Variants in BAG4 observed in about 807,000 individuals in gnomAD.
BAG4 encodes BAG cochaperone 4.
Under a neutral mutation model 52.1 loss-of-function variants are expected in BAG4, and 28 were observed. The ratio of observed to expected loss-of-function variants is 0.54; its 90% confidence interval spans 0.40 to 0.74. The LOEUF (loss-of-function observed/expected upper bound fraction) is 0.74. Among genes scored for constraint, BAG4 ranks in the 30% least tolerant of loss-of-function variants. The pLI is 0.00. For synonymous variants in BAG4, 208 were observed against 217.0 expected (o/e 0.96, Z 0.37); for missense variants, 525 against 572.0 (o/e 0.92, Z 0.84).
In BAG4 at chr8:38,211,555, G is replaced by A. The variant is rs1469120567; in HGVS notation, c.*1062G>A. On this transcript the variant is annotated 3_prime_UTR_variant, in exon 5 of 5. Coordinates refer to ENST00000287322, the MANE Select transcript of BAG4 (RefSeq NM_004874.4). ...TCCATCTAAAATACTAGTTTCACCT[G>A]TGAGCAGATTTCAGCTCAGTTTATA... 2 of 151,960 alleles carry A rather than the reference G, an allele frequency of 1.3e-5. No homozygotes were observed. Among genetic ancestry groups the A allele is most frequent in the East Asian group, 3.9e-4 (2 of 5,192 alleles). The allele number at this position is 151,960 out of a possible 1,614,324, so 9.4% of individuals were successfully genotyped here.
chr8:38,207,651 A>G lies in BAG4; in HGVS notation c.518A>G (p.Tyr173Cys), dbSNP rs780697101. 3.7e-6 allele frequency: 6 copies of G among 1,613,990 alleles called. No individual in the cohort carries two copies. Among genetic ancestry groups the G allele is most frequent in the Non-Finnish European group, 5.1e-6 (6 of 1,179,980 alleles). The stretch of plus-strand genomic sequence containing the variant: ...TACTCCACAGAAGTTCCAAGTACTT[A>G]CCGTTCATCTGGCAACAGCCCAACT... ...TSYSTEVPST[Y>C]RSSGNSPTPV... Residue 173 changes from tyrosine to cysteine, a missense_variant, in exon 3 of 5, where the codon TAC becomes TGC. This residue lies in a region of BAG4 where 287 missense variants were observed against 266.1 expected (regional missense o/e 1.08). Transcript: ENST00000287322.
rs1803823316 is a variant in BAG4 at position 38,209,022 on chromosome 8, A to G, written c.643A>G (p.Met215Val). 2 of 1,613,326 alleles carry G rather than the reference A, an allele frequency of 1.2e-6. No individual in the cohort carries two copies. Among genetic ancestry groups the G allele is most frequent in the Admixed American group, 1.7e-5 (1 of 59,970 alleles). ...PGYPPSQNPG[M>V]TLPHYPYGDG... ...CTTCTTCTCAATCTAGAACCCTGGAATGACCCTGCCCCATTATCCTTATGG... is the reference window on the plus strand; with the variant it reads ...CTTCTTCTCAATCTAGAACCCTGGAGTGACCCTGCCCCATTATCCTTATGG... Residue 215 changes from methionine (M) to valine (V), a missense_variant, in exon 4 of 5, where the codon ATG becomes GTG. By Grantham distance (21) the Met-to-Val change is conservative (BLOSUM62 1). Around this residue, in one of 2 missense-constraint regions of BAG4, gnomAD observed 238 missense variants for 305.8 expected, o/e 0.78. Coordinates refer to ENST00000287322, the MANE Select transcript of BAG4 (RefSeq NM_004874.4).
intron 2 of BAG4, chr8:38,204,101 A>T (rs1037780683): frequency 5.9e-5 from 9 of 152,188 alleles, no homozygotes; most frequent in African/African-American, 2.2e-4. Context: ...TCTTTTGTAA[A>T]CATGCATGTG....
At chr8:38,207,902 T>C in intron 3 of BAG4, 136 bp downstream of exon 3, 1 of 1,103,814 alleles carries the variant, frequency 9.1e-7, no homozygotes, top group Non-Finnish European at 1.2e-6. Context: ...TTGATGCCTT[T>C]CTTATTTGTG....
chr8:38,198,354 A>T (rs964466754), intron 2 of BAG4, among the ~76,000 whole-genome samples: 5 of 147,120 alleles, frequency 3.4e-5, no homozygotes, highest in Non-Finnish European at 7.5e-5. Context: ...ACTGCACTCC[A>T]GCCTGGGCAA....
intron 2 of BAG4, among the ~76,000 whole-genome samples, chr8:38,196,202 G>C (rs113974756): frequency 6.6e-6 from 1 of 152,092 alleles, no homozygotes; most frequent in East Asian, 1.9e-4. Context: ...TCTATACCTA[G>C]AAATGGAATT....
At position 38,207,725 on chromosome 8, in the gene BAG4, C is replaced by T. The variant is rs1432423465; in HGVS notation, c.592C>T (p.Pro198Ser). The T allele has an allele frequency of 1.9e-6, 3 of 1,614,198 alleles. No homozygotes were observed. In the South Asian group the frequency reaches 3.3e-5, roughly 18 times the overall value. ...CCAGCAGGACTGTCAGACTGAAGCACCCCCTCTTAGGGGGCAGGTTCCAGG... is the reference window on the plus strand; with the variant it reads ...CCAGCAGGACTGTCAGACTGAAGCATCCCCTCTTAGGGGGCAGGTTCCAGG... ...YPQQDCQTEA[P>S]PLRGQVPGYP... Residue 198 changes from proline to serine, a missense_variant, in exon 3 of 5, where the codon CCC becomes TCC. Around this residue, in one of 2 missense-constraint regions of BAG4, gnomAD observed 287 missense variants for 266.1 expected, o/e 1.08. Coordinates refer to ENST00000287322, the MANE Select transcript of BAG4 (RefSeq NM_004874.4).
chr8:38,199,735 G>C (rs1803625795), intron 2 of BAG4, among the ~76,000 whole-genome samples: 1 of 152,022 alleles, frequency 6.6e-6, no homozygotes, highest in Non-Finnish European at 1.5e-5. Context: ...ATGTTAGTCA[G>C]GATGGTCTTG....
At chr8:38,178,771 G>T (rs1002039117) in intron 1 of BAG4, among the ~76,000 whole-genome samples, 1 of 152,150 alleles carries the variant, frequency 6.6e-6, no homozygotes, top group Non-Finnish European at 1.5e-5. Context: ...GAGACAGAAA[G>T]CTTAATGGTT....
At chr8:38,186,958 C>T (rs1287870855) in intron 1 of BAG4, among the ~76,000 whole-genome samples, 2 of 152,112 alleles carry the variant, frequency 1.3e-5, no homozygotes, top group African/African-American at 4.8e-5. Flanking sequence ...GAGCAAATGA[C>T]AATAACAAGC....
chr8:38,209,296 T>C, intron 4 of BAG4, 29 bp downstream of exon 4: 1 of 1,613,736 alleles, frequency 6.2e-7, no homozygotes, highest in Non-Finnish European at 8.5e-7. Context: ...GTTCCTTTAA[T>C]GTGTGTGTAA....
At chr8:38,194,847 GTTTTTTTTTTT>G in intron 2 of BAG4, among the ~76,000 whole-genome samples, 1 of 116,500 alleles carries the variant, frequency 8.6e-6, no homozygotes, top group East Asian at 2.4e-4. Context: ...GTTTTTTTTT[GTTTTTTTTTTT>G]TTTTGTTTTT....
intron 1 of BAG4, among the ~76,000 whole-genome samples, chr8:38,181,382 C>T (rs1443729760): frequency 6.6e-6 from 1 of 151,990 alleles, no homozygotes; most frequent in Non-Finnish European, 1.5e-5. Context: ...TACAGGCACC[C>T]GCCACCATGC....
rs79433397 is a variant in BAG4 at position 38,192,200 on chromosome 8, A to G, written c.271-488A>G. On this transcript the variant is annotated intron_variant, in intron 1 of 4. Transcript: ENST00000287322. Reference sequence around the variant, plus strand: ...TAGCAAAGAACCATTTTGTTGCACTAATTAAATTAGTAGTCTTGAGGATTA... The same window carrying G: ...TAGCAAAGAACCATTTTGTTGCACTGATTAAATTAGTAGTCTTGAGGATTA... Among the ~76,000 whole-genome samples the G allele has an allele frequency of 3.6e-3, 546 of 152,336 alleles. 6 individuals are homozygous for G. The highest frequency in any genetic ancestry group is 0.012 in the African/African-American group (513 of 41,574).
intron 1 of BAG4, among the ~76,000 whole-genome samples, chr8:38,188,594 T>C (rs901969525): frequency 1.2e-4 from 18 of 150,156 alleles, no homozygotes; most frequent in Non-Finnish European, 4.4e-5. Flanking sequence ...TACACATATA[T>C]ATATGCATGT....
intron 1 of BAG4, among the ~76,000 whole-genome samples, chr8:38,181,822 C>T (rs935087122): frequency 2.5e-5 from 3 of 120,254 alleles, no homozygotes; most frequent in African/African-American, 6.3e-5. Flanking sequence ...ACCAGGGAGG[C>T]GGTGGTCGCA....
intron 2 of BAG4, chr8:38,203,119 A>AG (rs947735220): frequency 1.3e-5 from 2 of 152,172 alleles, no homozygotes; most frequent in African/African-American, 4.8e-5. Flanking sequence ...AGTTGTAGTA[A>AG]GGGGAAACTT....
chr8:38,201,358 G>A (rs986354019), intron 2 of BAG4, among the ~76,000 whole-genome samples: 1 of 152,028 alleles, frequency 6.6e-6, no homozygotes, highest in Non-Finnish European at 1.5e-5. Context: ...CTACCACCCA[G>A]TTCATTGTAG....
At chr8:38,198,688 C>T (rs577725696) in intron 2 of BAG4, among the ~76,000 whole-genome samples, 23 of 151,906 alleles carry the variant, frequency 1.5e-4, no homozygotes, top group Middle Eastern at 3.4e-3. Flanking sequence ...TGGGTTTCAC[C>T]GTGTTAGCCA....
Sources: allele counts gnomAD v4.1 joint callset (sites outside exome capture counted in the v4.1 genomes callset), GRCh38; gene constraint gnomAD v4.1.1; regional missense constraint gnomAD v4.1.1; transcripts MANE v1.5; gene names NCBI Gene and HGNC (gene_info 2026-07-23, HGNC 2026-07-21).